USP10: variants seen among roughly 807,000 people sequenced by gnomAD.
USP10 encodes the protein ubiquitin carboxyl-terminal hydrolase 10.
A neutral mutation model predicts 84.5 loss-of-function variants in USP10; 22 were observed. That is an observed-to-expected ratio of 0.26 (90% CI 0.19 to 0.37). The LOEUF is 0.37. Ranked by LOEUF, USP10 falls within the 10% of genes least tolerant of loss-of-function variation. The pLI is 1.00. For missense variants in USP10, 1,019 were observed against 998.9 expected (o/e 1.02, Z -0.27); for synonymous variants, 454 against 387.6 (o/e 1.17, Z -2.01).
At chr16:84,774,842 T>G (rs1318139639) in intron 12 of USP10, among the ~76,000 whole-genome samples, 3 of 152,220 alleles carry the variant, frequency 2.0e-5, no homozygotes, top group African/African-American at 7.2e-5. Flanking sequence ...CAACTGTTTT[T>G]GTTTTTAAGT....
chr16:84,752,927 C>A (rs1390234184), intron 4 of USP10, among the ~76,000 whole-genome samples: 2 of 152,148 alleles, frequency 1.3e-5, no homozygotes, highest in Non-Finnish European at 2.9e-5. Flanking sequence ...TCATTTCTTA[C>A]AATCATTCCT....
intron 3 of USP10, 52 bp downstream of exon 3, chr16:84,740,421 G>A: frequency 2.1e-6 from 3 of 1,439,876 alleles, no homozygotes; most frequent in East Asian, 2.3e-5. Flanking sequence ...CATACGTGCT[G>A]GGTGGGCAGG....
intron 2 of USP10, among the ~76,000 whole-genome samples, chr16:84,737,388 G>A (rs1301954576): frequency 6.6e-6 from 1 of 152,174 alleles, no homozygotes. Context: ...TAGTTAATGA[G>A]TGAACTTCGA....
intron 1 of USP10, among the ~76,000 whole-genome samples, chr16:84,728,257 T>G (rs773357526): frequency 2.0e-5 from 3 of 152,224 alleles, no homozygotes; most frequent in Non-Finnish European, 4.4e-5. Flanking sequence ...TCAGATATCA[T>G]TTTAGTTAAA....
At chr16:84,752,650 A>G (rs1394773445) in intron 4 of USP10, among the ~76,000 whole-genome samples, 1 of 152,214 alleles carries the variant, frequency 6.6e-6, no homozygotes, top group Non-Finnish European at 1.5e-5. Flanking sequence ...TTTGCATGAT[A>G]ACAATAGGAT....
intron 1 of USP10, among the ~76,000 whole-genome samples, chr16:84,724,837 C>T (rs1428676565): frequency 6.6e-6 from 1 of 152,184 alleles, no homozygotes; most frequent in Non-Finnish European, 1.5e-5. Context: ...TGTGCATTCA[C>T]TAGTTGATGA....
In USP10 at chr16:84,745,311, A is replaced by G. The variant is rs746143228; in HGVS notation, c.830A>G (p.Asp277Gly). ...GGGGCTCAGCCCTGCGTTGGTACCG[A>G]TACTACTGAAAACCTTGGAGTTGCT... The part of the protein sequence containing the change: ...TAGAQPCVGT[D>G]TTENLGVANG... Residue 277 changes from aspartate to glycine, a missense_variant, in exon 4 of 14, where the codon GAT (aspartate) becomes GGT (glycine). Asp to Gly is a moderately conservative substitution (Grantham distance 94). Transcript: ENST00000219473. 5.6e-6 allele frequency: 9 copies of G among 1,613,076 alleles called. No individual in the cohort carries two copies. The highest frequency in any genetic ancestry group is 1.8e-4 in the Middle Eastern group (1 of 5,470).
chr16:84,732,921 C>T (rs1909429013), intron 1 of USP10: 1 of 370,254 alleles, frequency 2.7e-6, no homozygotes, highest in Non-Finnish European at 5.2e-6. Context: ...TCTGTGTATC[C>T]TATGGAAATG....
intron 4 of USP10, among the ~76,000 whole-genome samples, chr16:84,749,149 A>T (rs1239044030): frequency 6.6e-6 from 1 of 152,184 alleles, no homozygotes; most frequent in African/African-American, 2.4e-5. Flanking sequence ...GGAGAATGGC[A>T]TTGTTTGAAA....
intron 13 of USP10, among the ~76,000 whole-genome samples, chr16:84,777,998 T>G (rs1336727194): frequency 6.6e-6 from 1 of 152,160 alleles, no homozygotes; most frequent in East Asian, 1.9e-4. Context: ...TCTGTGGCTG[T>G]CTTAATGTTT....
chr16:84,712,045 A>G (rs1206897733), intron 1 of USP10, among the ~76,000 whole-genome samples: 1 of 152,140 alleles, frequency 6.6e-6, no homozygotes, highest in Non-Finnish European at 1.5e-5. Flanking sequence ...GGTGGACAGA[A>G]ACACCTTGCA....
rs937280764 is a variant in USP10 at position 84,704,821 on chromosome 16, A to T, written c.21+4710A>T. 11 of 1,535,576 alleles carry T rather than the reference A, an allele frequency of 7.2e-6. No homozygotes were observed. The African/African-American group carries it at 1.2e-4, about 17-fold the overall frequency. On this transcript the variant is annotated intron_variant, in intron 1 of 13. Coordinates refer to ENST00000219473, the MANE Select transcript of USP10 (RefSeq NM_005153.3). ...AGCACTGCCATTCTGTCCCGTCTTG[A>T]AACATCATGCCCTGGTTGCCCTCTC...
At chr16:84,776,656 G>A (rs576722562) in intron 13 of USP10, among the ~76,000 whole-genome samples, 130 of 152,204 alleles carry the variant, frequency 8.5e-4, no homozygotes, top group East Asian at 1.2e-3. Context: ...AGGCTCTTGC[G>A]GGGGACATCA....
chr16:84,709,511 A>G (rs1567588270), intron 1 of USP10, among the ~76,000 whole-genome samples: 1 of 152,168 alleles, frequency 6.6e-6, no homozygotes, highest in Non-Finnish European at 1.5e-5. Flanking sequence ...ATGGAACCTC[A>G]TAATCACATT....
intron 1 of USP10, among the ~76,000 whole-genome samples, chr16:84,703,190 T>C (rs1363470896): frequency 1.3e-5 from 2 of 152,162 alleles, no homozygotes; most frequent in Non-Finnish European, 2.9e-5. Flanking sequence ...AAATGAACTT[T>C]AACAGTTGAA....
At chr16:84,705,295 T>C (rs1597259408) in intron 1 of USP10, among the ~76,000 whole-genome samples, 1 of 151,040 alleles carries the variant, frequency 6.6e-6, no homozygotes, top group Non-Finnish European at 1.5e-5. Flanking sequence ...GCATTGGCGG[T>C]ATCTTGTCTC....
chr16:84,703,486 A>G (rs1005966026), intron 1 of USP10, among the ~76,000 whole-genome samples: 4 of 152,250 alleles, frequency 2.6e-5, no homozygotes, highest in African/African-American at 9.6e-5. Context: ...CCCCTCTAGC[A>G]TATGGCTGAA....
intron 2 of USP10, among the ~76,000 whole-genome samples, chr16:84,739,675 T>A (rs1398818312): frequency 6.6e-6 from 1 of 152,224 alleles, no homozygotes; most frequent in Non-Finnish European, 1.5e-5. Flanking sequence ...TAAGTTATTT[T>A]TGAGATAACC....
chr16:84,749,087 A>G (rs559520916), intron 4 of USP10, among the ~76,000 whole-genome samples: 3 of 143,366 alleles, frequency 2.1e-5, no homozygotes, highest in Non-Finnish European at 4.4e-5. Flanking sequence ...CTCGTGAGAT[A>G]GTAGAGCAAT....
Sources: gnomAD v4.1 joint callset for allele counts (sites outside exome capture counted in the v4.1 genomes callset) on GRCh38, gnomAD v4.1.1 for gene constraint, MANE v1.5 for transcripts, NCBI Gene and HGNC (gene_info 2026-07-23, HGNC 2026-07-21) for gene names.